RGS7: variants seen among roughly 807,000 people sequenced by gnomAD.
The protein encoded by RGS7 is regulator of G protein signaling 7.
In RGS7, 27 loss-of-function variants were observed where a neutral mutation model predicts 81.1. The observed-to-expected ratio is 0.33, with a 90% CI of 0.25 to 0.46. The LOEUF (loss-of-function observed/expected upper bound fraction) is 0.46, where lower values mean the gene tolerates loss of function less well. Among genes scored for constraint, RGS7 ranks in the 20% least tolerant of loss-of-function variants. The pLI, the probability that RGS7 is intolerant of heterozygous loss-of-function variation, is 1.00. For synonymous variants in RGS7, 208 were observed against 207.7 expected (o/e 1.00, Z -0.01); for missense variants, 396 against 607.4 (o/e 0.65, Z 3.66).
At chr1:241,131,950 C>T (rs1349299895) in intron 2 of RGS7, among the ~76,000 whole-genome samples, 1 of 152,174 alleles carries the variant, frequency 6.6e-6, no homozygotes, top group Admixed American at 6.5e-5. Context: ...AGAGATGATG[C>T]TTAAAAATAC....
At chr1:240,927,859 G>A (rs1013206800) in intron 6 of RGS7, among the ~76,000 whole-genome samples, 1 of 152,160 alleles carries the variant, frequency 6.6e-6, no homozygotes, top group African/African-American at 2.4e-5. Flanking sequence ...TCCAGGTTTG[G>A]GGAGAAAGTG....
intron 3 of RGS7, among the ~76,000 whole-genome samples, chr1:241,037,938 T>C (rs1470743538): frequency 2.0e-5 from 3 of 152,098 alleles, no homozygotes; most frequent in African/African-American, 7.2e-5. Context: ...AGCATAAGAA[T>C]AATACAGTGG....
chr1:241,188,749 T>C (rs78132535), intron 2 of RGS7, among the ~76,000 whole-genome samples: 16 of 152,330 alleles, frequency 1.1e-4, no homozygotes, highest in African/African-American at 3.8e-4. Context: ...TGTGTGACCT[T>C]AGGTAGTAAA....
intron 3 of RGS7, among the ~76,000 whole-genome samples, chr1:241,006,739 A>T (rs2058701586): frequency 6.6e-6 from 1 of 152,160 alleles, no homozygotes; most frequent in Non-Finnish European, 1.5e-5. Flanking sequence ...CACAGGTTTG[A>T]ACTACACGGG....
Position 240,933,155 on chromosome 1 carries a change from T to G in RGS7, c.334-2387A>C, listed in dbSNP as rs545181050. On this transcript the variant is annotated intron_variant, in intron 5 of 18. Transcript: ENST00000440928. ...CCTCGGCCCCACAAAGTGCTGGGATTACAGGTGTGAGCCACCGCGCCCGGC... is the reference window on the plus strand; with the variant it reads ...CCTCGGCCCCACAAAGTGCTGGGATGACAGGTGTGAGCCACCGCGCCCGGC... Among the ~76,000 whole-genome samples the G allele has an allele frequency of 3.6e-4, 54 of 151,924 alleles. 1 individual carries two copies. The South Asian group carries it at 4.4e-3, about 12-fold the overall frequency.
intron 2 of RGS7, among the ~76,000 whole-genome samples, chr1:241,280,767 C>T (rs2148398452): frequency 6.6e-6 from 1 of 152,282 alleles, no homozygotes; most frequent in African/African-American, 2.4e-5. Flanking sequence ...TCCCAAAGTG[C>T]TGGGAGGGAT....
At chr1:240,841,520 A>C (rs1400105584) in intron 9 of RGS7, among the ~76,000 whole-genome samples, 6 of 152,208 alleles carry the variant, frequency 3.9e-5, no homozygotes, top group African/African-American at 1.4e-4. Flanking sequence ...GATATAAACT[A>C]AGAAAAGATA....
intron 2 of RGS7, among the ~76,000 whole-genome samples, chr1:241,173,731 T>TGATA (rs1205006792): frequency 3.9e-5 from 6 of 152,194 alleles, no homozygotes; most frequent in Non-Finnish European, 8.8e-5. Context: ...CAATCAGCCA[T>TGATA]GATAGCACCA....
At chr1:240,906,974 A>G (rs1670923235) in intron 6 of RGS7, among the ~76,000 whole-genome samples, 1 of 152,356 alleles carries the variant, frequency 6.6e-6, no homozygotes, top group African/African-American at 2.4e-5. Context: ...CTAGGGAAGG[A>G]TTCAGGCATC....
intron 2 of RGS7, among the ~76,000 whole-genome samples, chr1:241,115,043 CAGAAA>C (rs1268087354): frequency 6.6e-6 from 1 of 152,180 alleles, no homozygotes; most frequent in African/African-American, 2.4e-5. Context: ...ACAAGCTTTA[CAGAAA>C]AGAAAACAAA....
chr1:241,275,935 C>T (rs1481628424), intron 2 of RGS7, among the ~76,000 whole-genome samples: 2 of 152,320 alleles, frequency 1.3e-5, no homozygotes, highest in South Asian at 4.1e-4. Flanking sequence ...GATGAAGACT[C>T]AGTCATTTAT....
intron 6 of RGS7, among the ~76,000 whole-genome samples, chr1:240,922,170 A>G (rs1673665937): frequency 6.6e-6 from 1 of 151,890 alleles, no homozygotes; most frequent in South Asian, 2.1e-4. Flanking sequence ...AGACCTCTAC[A>G]TGCAAAAAAA....
intron 6 of RGS7, among the ~76,000 whole-genome samples, chr1:240,900,366 C>G (rs142003595): frequency 1.3e-5 from 2 of 152,176 alleles, no homozygotes; most frequent in Non-Finnish European, 2.9e-5. Context: ...GGAGAAGAGG[C>G]ACTCTGATTT....
chr1:241,062,270 T>G (rs2061780988), intron 3 of RGS7, among the ~76,000 whole-genome samples: 1 of 152,188 alleles, frequency 6.6e-6, no homozygotes, highest in Admixed American at 6.5e-5. Flanking sequence ...TAACCAAGAC[T>G]GCAAACTCCT....
intron 9 of RGS7, among the ~76,000 whole-genome samples, chr1:240,838,672 T>G (rs896550891): frequency 7.2e-5 from 11 of 152,178 alleles, no homozygotes; most frequent in Admixed American, 3.3e-4. Context: ...ATAATTCCCA[T>G]GCATCCTCGC....
At chr1:240,829,466 A>C (rs1693430451) in intron 9 of RGS7, among the ~76,000 whole-genome samples, 1 of 152,196 alleles carries the variant, frequency 6.6e-6, no homozygotes, top group Non-Finnish European at 1.5e-5. Context: ...CTGCAGCCGG[A>C]GTTCACAACC....
chr1:241,314,313 C>G, intron 2 of RGS7, among the ~76,000 whole-genome samples: 1 of 152,130 alleles, frequency 6.6e-6, no homozygotes, highest in Middle Eastern at 3.2e-3. Context: ...TCAGCAACTA[C>G]CACCCTCATC....
intron 2 of RGS7, among the ~76,000 whole-genome samples, chr1:241,314,757 G>A (rs75884116): frequency 0.01 from 1,531 of 152,264 alleles, 28 homozygotes; most frequent in African/African-American, 0.035. Flanking sequence ...AGACACCATC[G>A]GAATTTGTAG....
chr1:240,932,970 G>A (rs1445987668), intron 5 of RGS7, among the ~76,000 whole-genome samples: 29 of 123,578 alleles, frequency 2.3e-4, no homozygotes, highest in South Asian at 1.7e-3. Context: ...TGCAAGCTCC[G>A]CCTCCCGGGT....
Sources: gnomAD v4.1 joint callset for allele counts (sites outside exome capture counted in the v4.1 genomes callset) on GRCh38, gnomAD v4.1.1 for gene constraint, MANE v1.5 for transcripts, NCBI Gene and HGNC (gene_info 2026-07-23, HGNC 2026-07-21) for gene names.